PGBD2: variants seen among roughly 807,000 people sequenced by gnomAD.
PGBD2 encodes piggyBac transposable element-derived protein 2.
PGBD2 carries 6 observed loss-of-function variants against 8.1 expected under a neutral mutation model. The ratio of observed to expected loss-of-function variants is 0.74; its 90% confidence interval spans 0.40 to 1.46. PGBD2 has a LOEUF of 1.46. Ranked by LOEUF, PGBD2 falls within the 40% of genes most tolerant of loss-of-function variation. The pLI, the probability that PGBD2 is intolerant of heterozygous loss-of-function variation, is 0.02. For missense variants in PGBD2, 802 were observed against 739.0 expected, an observed-to-expected ratio of 1.09 and a Z score of -0.99; for synonymous variants, 318 against 272.2, an observed-to-expected ratio of 1.17 and a Z score of -1.66.
the PGBD2 span, among the ~76,000 whole-genome samples, chr1:248,927,746 G>C: frequency 6.6e-6 from 1 of 152,166 alleles, no homozygotes; most frequent in East Asian, 1.9e-4. Flanking sequence ...TTAAATGGTA[G>C]AGTGAACATA....
At chr1:248,895,687 T>TTTTTG in the PGBD2 span, among the ~76,000 whole-genome samples, 1 of 151,774 alleles carries the variant, frequency 6.6e-6, no homozygotes, top group Admixed American at 6.6e-5. Context: ...TGTATAGATT[T>TTTTTG]TTTTGTTTTG....
chr1:248,902,281 A>C (rs553095500), upstream of PGBD2, among the ~76,000 whole-genome samples: 81 of 152,080 alleles, frequency 5.3e-4, no homozygotes, highest in Non-Finnish European at 7.2e-4. Flanking sequence ...AAAAAAAAAA[A>C]AACCTATAAT....
downstream of PGBD2, among the ~76,000 whole-genome samples, chr1:248,923,107 G>C (rs763363156): frequency 6.6e-6 from 1 of 152,130 alleles, no homozygotes; most frequent in Non-Finnish European, 1.5e-5. Context: ...TTGGTTGGTA[G>C]GCTATTAATT....
chr1:248,886,929 G>A, the PGBD2 span, among the ~76,000 whole-genome samples: 2 of 152,126 alleles, frequency 1.3e-5, no homozygotes, highest in Non-Finnish European at 2.9e-5. Context: ...ATCTCAAGGG[G>A]GTAAAACTCT....
the PGBD2 span, among the ~76,000 whole-genome samples, chr1:248,886,445 T>C: frequency 1.3e-5 from 2 of 152,204 alleles, no homozygotes; most frequent in East Asian, 3.8e-4. Context: ...CCTTCAGAGA[T>C]CATTTGTACT....
the PGBD2 span, among the ~76,000 whole-genome samples, chr1:248,892,785 C>G: frequency 1.3e-5 from 2 of 152,280 alleles, no homozygotes; most frequent in East Asian, 3.9e-4. Context: ...TGGTGTGGGC[C>G]TTGACTCATG....
the PGBD2 span, among the ~76,000 whole-genome samples, chr1:248,895,572 G>A: frequency 6.6e-6 from 1 of 151,912 alleles, no homozygotes; most frequent in Non-Finnish European, 1.5e-5. Flanking sequence ...CATTATTTTG[G>A]AGGAAACAGG....
At chr1:248,873,924 C>G in the PGBD2 span, among the ~76,000 whole-genome samples, 1 of 152,208 alleles carries the variant, frequency 6.6e-6, no homozygotes, top group African/African-American at 2.4e-5. Context: ...TTTCTGGTCT[C>G]CGGATGGAGG....
chr1:248,916,534 C>T (rs1483774491), intron 2 of PGBD2, 68 bp from the exon 3 acceptor site: 1 of 1,398,460 alleles, frequency 7.2e-7, no homozygotes, highest in African/African-American at 1.4e-5. Context: ...GGAGCACCCT[C>T]CTCTTTTCTG....
the PGBD2 span, among the ~76,000 whole-genome samples, chr1:248,900,097 C>CAAAAAAA: frequency 4.0e-5 from 2 of 49,472 alleles, no homozygotes; most frequent in African/African-American, 1.0e-4. Flanking sequence ...AATAGCCTAC[C>CAAAAAAA]AAAAAAAAAA....
At chr1:248,887,123 A>G in the PGBD2 span, among the ~76,000 whole-genome samples, 3 of 152,234 alleles carry the variant, frequency 2.0e-5, no homozygotes, top group Middle Eastern at 3.4e-3. Context: ...TTATAAAAAA[A>G]TATAGCCTTC....
At chr1:248,907,169 CAT>C (rs371120541) in intron 1 of PGBD2, among the ~76,000 whole-genome samples, 188 of 152,298 alleles carry the variant, frequency 1.2e-3, no homozygotes, top group African/African-American at 3.7e-3. Context: ...AGCAAAGAAA[CAT>C]GTGAGCAAAA....
the PGBD2 span, among the ~76,000 whole-genome samples, chr1:248,927,507 T>C: frequency 3.3e-5 from 5 of 152,242 alleles, no homozygotes. Flanking sequence ...TTAAATATTT[T>C]AAGTTTTCCA....
upstream of PGBD2, among the ~76,000 whole-genome samples, chr1:248,901,572 C>T (rs188008875): frequency 6.6e-6 from 1 of 152,218 alleles, no homozygotes; most frequent in African/African-American, 2.4e-5. Context: ...CATCCTTACA[C>T]TTTATACAAA....
chr1:248,910,857 C>T (rs1445550003), intron 1 of PGBD2, among the ~76,000 whole-genome samples: 4 of 151,880 alleles, frequency 2.6e-5, no homozygotes, highest in Admixed American at 2.6e-4. Flanking sequence ...AAGAAAAAAA[C>T]AGCTTTATTG....
At chr1:248,892,277 T>TCCTTCCTTCCTC in the PGBD2 span, among the ~76,000 whole-genome samples, 33 of 47,126 alleles carry the variant, frequency 7.0e-4, no homozygotes, top group East Asian at 5.2e-3. Context: ...CTCCCTCCCT[T>TCCTTCCTTCCTC]CCTTCCTTCC....
At chr1:248,877,426 G>A in the PGBD2 span, among the ~76,000 whole-genome samples, 2 of 152,096 alleles carry the variant, frequency 1.3e-5, no homozygotes, top group Admixed American at 6.5e-5. Context: ...CCTCACCAGC[G>A]GCTGGGACTA....
At chr1:248,904,887 C>A (rs1022033462), upstream of PGBD2, among the ~76,000 whole-genome samples, 3 of 152,182 alleles carry the variant, frequency 2.0e-5, no homozygotes, top group Non-Finnish European at 4.4e-5. Flanking sequence ...TGTTTACTGT[C>A]TGGTTCTCCC....
chr1:248,886,237 T>A, the PGBD2 span, among the ~76,000 whole-genome samples: 1 of 151,992 alleles, frequency 6.6e-6, no homozygotes, highest in Non-Finnish European at 1.5e-5. Context: ...GACAAAAAAA[T>A]AAAAATAGGA....
Sources: gnomAD v4.1 joint callset for allele counts (sites outside exome capture counted in the v4.1 genomes callset) on GRCh38, gnomAD v4.1.1 for gene constraint, MANE v1.5 for transcripts, NCBI Gene and HGNC (gene_info 2026-07-23, HGNC 2026-07-21) for gene names.